Variants in BBS12 observed in about 807,000 individuals in gnomAD.
The protein encoded by BBS12 is Bardet-Biedl syndrome 12, also known as chaperonin-containing T-complex member BBS12.
A neutral mutation model predicts 5.6 loss-of-function variants in BBS12; 5 were observed. The observed-to-expected ratio is 0.89, with a 90% CI of 0.46 to 1.86. BBS12 has a LOEUF of 1.86. Among genes scored for constraint, BBS12 ranks in the 40% most tolerant of loss-of-function variants. The pLI is 0.01. For missense variants in BBS12, 748 were observed against 830.4 expected, an observed-to-expected ratio of 0.90 and a Z score of 1.22; for synonymous variants, 308 against 306.8, an observed-to-expected ratio of 1.00 and a Z score of -0.04.
At chr4:122,717,190 G>T in the BBS12 span, among the ~76,000 whole-genome samples, 1 of 152,074 alleles carries the variant, frequency 6.6e-6, no homozygotes, top group African/African-American at 2.4e-5. Flanking sequence ...TGCTTTAAAA[G>T]AAATTAAGTT....
the BBS12 span, among the ~76,000 whole-genome samples, chr4:122,727,544 AT>A: frequency 6.7e-3 from 551 of 82,284 alleles, 9 homozygotes; most frequent in African/African-American, 0.01. Flanking sequence ...CCCCTGGCCA[AT>A]TTTTTTTTTT....
chr4:122,744,146 T>C lies in BBS12; in HGVS notation c.*121T>C, dbSNP rs1178735382. ...CTATTGCCAAGAAGAAAATAGTTGATGTCTGTCAATAACTGTGCATGGTCT... is the reference window on the plus strand; with the variant it reads ...CTATTGCCAAGAAGAAAATAGTTGACGTCTGTCAATAACTGTGCATGGTCT... On this transcript the variant is annotated 3_prime_UTR_variant, in exon 2 of 2. Coordinates refer to ENST00000314218, the MANE Select transcript of BBS12 (RefSeq NM_152618.3). The C allele has an allele frequency of 7.9e-6, 8 of 1,010,386 alleles. No homozygotes were observed. The highest frequency in any genetic ancestry group is 2.4e-4 in the Middle Eastern group (1 of 4,100). 62.6% of individuals were successfully genotyped at this position (1,010,386 alleles called of 1,614,324 possible).
At chr4:122,706,770 C>G in the BBS12 span, among the ~76,000 whole-genome samples, 1 of 152,094 alleles carries the variant, frequency 6.6e-6, no homozygotes, top group Admixed American at 6.6e-5. Flanking sequence ...AAGTAATGGT[C>G]ATGTTTTGTT....
the BBS12 span, among the ~76,000 whole-genome samples, chr4:122,707,157 A>G: frequency 0.095 from 13,350 of 139,904 alleles, 1,592 homozygotes; most frequent in African/African-American, 0.29. Context: ...CATGTGGCTT[A>G]TCTCACAGTT....
intron 1 of BBS12, among the ~76,000 whole-genome samples, chr4:122,738,332 T>C (rs1800816936): frequency 6.6e-6 from 1 of 152,120 alleles, no homozygotes. Flanking sequence ...TGCCTCAGCC[T>C]CCTGAGTGGC....
the BBS12 span, among the ~76,000 whole-genome samples, chr4:122,723,532 A>T: frequency 1.3e-5 from 2 of 152,228 alleles, no homozygotes; most frequent in African/African-American, 4.8e-5. Flanking sequence ...TGAAAGCAAG[A>T]ACTGAAATTG....
chr4:122,726,005 T>C, the BBS12 span, among the ~76,000 whole-genome samples: 1 of 149,556 alleles, frequency 6.7e-6, no homozygotes, highest in Non-Finnish European at 1.5e-5. Flanking sequence ...TTCTAGACAA[T>C]GGCTTAGGCA....
At chr4:122,717,742 C>T in the BBS12 span, among the ~76,000 whole-genome samples, 2 of 152,216 alleles carry the variant, frequency 1.3e-5, no homozygotes, top group South Asian at 4.2e-4. Flanking sequence ...TCAGGCTGGT[C>T]TTGAACTCCT....
At chr4:122,711,571 C>T in the BBS12 span, among the ~76,000 whole-genome samples, 1 of 152,130 alleles carries the variant, frequency 6.6e-6, no homozygotes, top group Non-Finnish European at 1.5e-5. Flanking sequence ...TATCCAGTGC[C>T]AATTATAATC....
At chr4:122,730,900 T>C (rs1342162614), upstream of BBS12, 1 of 152,196 alleles carries the variant, frequency 6.6e-6, no homozygotes, top group Non-Finnish European at 1.5e-5. Flanking sequence ...TCCAGTATCA[T>C]CATCATCAAA....
rs1800886443 is a variant in BBS12 at position 122,742,225 on chromosome 4, A to G, written c.333A>G (p.Ile111Met). 3 of 1,613,738 alleles carry G rather than the reference A, an allele frequency of 1.9e-6. No individual in the cohort carries two copies. Among genetic ancestry groups the G allele is most frequent in the Non-Finnish European group, 2.5e-6 (3 of 1,180,034 alleles). ...ECLHLGVPIS[I>M]IVSVMSEGLN... ...TTCATCTTGGTGTCCCCATTTCCAT[A>G]ATAGTATCAGTAATGTCAGAAGGCT... Residue 111 changes from isoleucine (I) to methionine (M), a missense_variant, in exon 2 of 2, where the codon ATA becomes ATG. Coordinates refer to ENST00000314218, the MANE Select transcript of BBS12 (RefSeq NM_152618.3).
chr4:122,713,612 A>T, the BBS12 span, among the ~76,000 whole-genome samples: 35 of 152,284 alleles, frequency 2.3e-4, no homozygotes, highest in African/African-American at 8.2e-4. Context: ...TTATGCCCCA[A>T]CTCAACTCTA....
At chr4:122,713,339 T>G in the BBS12 span, among the ~76,000 whole-genome samples, 1 of 152,110 alleles carries the variant, frequency 6.6e-6, no homozygotes, top group Non-Finnish European at 1.5e-5. Flanking sequence ...AATTATTTTT[T>G]CTACCTGGGT....
chr4:122,714,382 C>G, the BBS12 span, among the ~76,000 whole-genome samples: 2 of 152,146 alleles, frequency 1.3e-5, no homozygotes. Context: ...TATTTTGCAG[C>G]CTGAGCAGGC....
intron 1 of BBS12, chr4:122,734,037 G>A (rs934517921): frequency 6.6e-6 from 1 of 152,000 alleles, no homozygotes; most frequent in Admixed American, 6.6e-5. Flanking sequence ...ATCCCAGACA[G>A]ACACGCAAGT....
At chr4:122,716,713 A>ACG in the BBS12 span, among the ~76,000 whole-genome samples, 4 of 121,544 alleles carry the variant, frequency 3.3e-5, no homozygotes, top group East Asian at 7.5e-4. Flanking sequence ...ATACATACAC[A>ACG]TATGTGTGTA....
At chr4:122,708,069 C>T in the BBS12 span, among the ~76,000 whole-genome samples, 4 of 149,282 alleles carry the variant, frequency 2.7e-5, no homozygotes, top group East Asian at 4.0e-4. Context: ...TGGAGTACAG[C>T]GGGGCAATCA....
chr4:122,715,645 T>C, the BBS12 span, among the ~76,000 whole-genome samples: 15 of 152,360 alleles, frequency 9.8e-5, no homozygotes, highest in South Asian at 2.7e-3. Context: ...GAATCACTAC[T>C]TGCATTTGTA....
upstream of BBS12, chr4:122,731,933 T>C (rs1157494112): frequency 1.3e-5 from 2 of 152,232 alleles, no homozygotes; most frequent in Admixed American, 6.5e-5. Flanking sequence ...AGGGCAGGCA[T>C]ATGCACTGAA....
Sources: allele counts gnomAD v4.1 joint callset (sites outside exome capture counted in the v4.1 genomes callset), GRCh38; gene constraint gnomAD v4.1.1; transcripts MANE v1.5; gene names NCBI Gene and HGNC (gene_info 2026-07-23, HGNC 2026-07-21).